Variants in SPTAN1 observed in about 807,000 individuals in gnomAD.
The protein encoded by SPTAN1 is spectrin alpha, non-erythrocytic 1.
SPTAN1 carries 61 observed loss-of-function variants against 331.3 expected under a neutral mutation model. The observed-to-expected ratio is 0.18, with a 90% CI of 0.15 to 0.23. The LOEUF (loss-of-function observed/expected upper bound fraction) is 0.23, where lower values mean the gene tolerates loss of function less well. SPTAN1 is among the 10% of genes least tolerant of loss of function. The pLI is 1.00. For synonymous variants in SPTAN1, 1,153 were observed against 1,173.9 expected, an observed-to-expected ratio of 0.98 and a Z score of 0.36; for missense variants, 2,043 against 3,147.9, an observed-to-expected ratio of 0.65 and a Z score of 8.40.
rs1589189237 is a variant in SPTAN1 at position 128,577,382 on chromosome 9, C to T, written c.961C>T (p.Leu321=). ...VKALCAEADR[L]QQSHPLSATQ... ...AGCCCTGTGTGCTGAGGCTGACCGC[C>T]TGCAACAGTCCCACCCTCTGAGTGC... Residue 321 remains leucine, a synonymous_variant, in exon 8 of 57, where the codon CTG becomes TTG. Coordinates refer to ENST00000372739, the MANE Select transcript of SPTAN1 (RefSeq NM_001130438.3). The surrounding 1 kb of genome is among the most constrained non-coding windows in gnomAD (Gnocchi z 4.2). 6.2e-7 allele frequency: 1 copy of T among 1,614,244 alleles called. No homozygotes were observed.
intron 18 of SPTAN1, 129 bp from the exon 19 acceptor site, chr9:128,585,619 T>C: frequency 1.2e-6 from 1 of 810,182 alleles, no homozygotes; most frequent in Non-Finnish European, 2.1e-6. Flanking sequence ...AAAATGGAAT[T>C]ATGAAAGGGC....
At chr9:128,594,473 C>G (rs1449174612) in intron 24 of SPTAN1, 100 bp downstream of exon 24, 1 of 1,148,356 alleles carries the variant, frequency 8.7e-7, no homozygotes, top group Non-Finnish European at 1.2e-6. Context: ...CACTGTCATC[C>G]AAGCTGGAGT....
At chr9:128,619,319 G>A (rs969428692) in intron 44 of SPTAN1, among the ~76,000 whole-genome samples, 29 of 152,294 alleles carry the variant, frequency 1.9e-4, no homozygotes, top group African/African-American at 6.7e-4. Context: ...GGAGTGGCAC[G>A]AACGGAGTAC....
intron 1 of SPTAN1, among the ~76,000 whole-genome samples, chr9:128,565,657 T>C (rs1849943203): frequency 6.6e-6 from 1 of 152,246 alleles, no homozygotes; most frequent in Non-Finnish European, 1.5e-5. Flanking sequence ...GGCAGCACTC[T>C]TGACAGGTTT....
rs778372200 is a variant in SPTAN1, at chr9:128,587,654, G to A, written c.2827G>A (p.Gly943Ser). 2.5e-6 allele frequency: 4 copies of A among 1,613,880 alleles called. No homozygotes were observed. The highest frequency in any genetic ancestry group is 1.7e-5 in the Admixed American group (1 of 59,980). ...TTTGATGTCAGATCTCAGTGCCTAC[G>A]GCAGCAGCATCCAGGCTTTGCGAGA... is the stretch of plus-strand genomic sequence containing the variant. ...EALMSDLSAY[G>S]SSIQALREQA... The change falls in exon 20 of 57, where the codon GGC becomes AGC. Residue 943 changes from glycine (G) to serine (S), a missense_variant. Around this residue, in one of 12 missense-constraint regions of SPTAN1, gnomAD observed 1,038 missense variants for 1,531.5 expected, o/e 0.68. Coordinates refer to ENST00000372739, the MANE Select transcript of SPTAN1 (RefSeq NM_001130438.3).
chr9:128,568,894 A>G lies in SPTAN1; in HGVS notation c.360A>G (p.Ile120Met), dbSNP rs769659893. 5 of 1,614,028 alleles carry G rather than the reference A, an allele frequency of 3.1e-6. No individual in the cohort carries two copies. The highest frequency in any genetic ancestry group is 1.1e-5 in the South Asian group (1 of 91,078). The change falls in exon 3 of 57, where the codon ATA becomes ATG. Residue 120 changes from isoleucine (I) to methionine (M), a missense_variant. By Grantham distance (10) the Ile-to-Met change is conservative. Coordinates refer to ENST00000372739, the MANE Select transcript of SPTAN1 (RefSeq NM_001130438.3). ...AAGGGCATTTTGCATCTGAAACCATACGGGTGAGTATGAGTAGCTCGTGGA... is the reference window on the plus strand; with the variant it reads ...AAGGGCATTTTGCATCTGAAACCATGCGGGTGAGTATGAGTAGCTCGTGGA... ...ISEGHFASET[I>M]RTRLMELHRQ...
intron 25 of SPTAN1, 176 bp downstream of exon 25, chr9:128,598,680 C>A (rs1315446291): frequency 5.7e-6 from 4 of 699,380 alleles, no homozygotes; most frequent in Non-Finnish European, 7.7e-6. Context: ...TACCCATATC[C>A]CTCACTTTCA....
intron 26 of SPTAN1, chr9:128,599,218 T>C: frequency 1.9e-6 from 1 of 536,014 alleles, no homozygotes; most frequent in Non-Finnish European, 3.4e-6. Context: ...CACTGCAACC[T>C]CCACCTCCCA....
chr9:128,588,647 A>G (rs868756718), intron 20 of SPTAN1, among the ~76,000 whole-genome samples, 162 bp from the exon 21 acceptor site: 9 of 152,092 alleles, frequency 5.9e-5, no homozygotes, highest in Non-Finnish European at 1.3e-4. Context: ...CCAAAAATTT[A>G]AAGTTCTTGG....
At chr9:128,572,358 G>T (rs757550644) in intron 3 of SPTAN1, among the ~76,000 whole-genome samples, 3 of 152,096 alleles carry the variant, frequency 2.0e-5, no homozygotes, top group Admixed American at 2.0e-4. Flanking sequence ...GCCCACTCAC[G>T]CTCTCAAATA....
At chr9:128,613,819 C>T (rs745402857) in intron 40 of SPTAN1, among the ~76,000 whole-genome samples, 4 of 151,918 alleles carry the variant, frequency 2.6e-5, no homozygotes, top group Non-Finnish European at 5.9e-5. Flanking sequence ...CTCCGGCCAA[C>T]GTGGTGAGAC....
intron 21 of SPTAN1, among the ~76,000 whole-genome samples, 184 bp downstream of exon 21, chr9:128,589,127 ATCTG>A (rs1211380350): frequency 1.3e-5 from 2 of 152,228 alleles, no homozygotes; most frequent in Admixed American, 1.3e-4. Flanking sequence ...CAAGAAGTTA[ATCTG>A]TCTTCTTGAA....
At chr9:128,617,502 TTTG>T in intron 41 of SPTAN1, 135 bp from the exon 42 acceptor site, 1 of 1,284,248 alleles carries the variant, frequency 7.8e-7, no homozygotes. Context: ...AGTAGAGGCT[TTTG>T]TTGTTCAGAA....
At position 128,625,702 on chromosome 9, in the gene SPTAN1, G is replaced by C; in HGVS notation, c.6070-67G>C. The C allele has an allele frequency of 1.3e-6, 2 of 1,504,122 alleles. No individual in the cohort carries two copies. The highest frequency in any genetic ancestry group is 1.8e-6 in the Non-Finnish European group (2 of 1,086,770). The allele number at this position is 1,504,122 out of a possible 1,614,324, so 93.2% of individuals were successfully genotyped here. ...TCTGGGGGACATGCTGGTGCCATCT[G>C]AGCCTAGGAAGAGCAAGTTCCAGTC... On this transcript the variant is annotated intron_variant, in intron 47 of 56. Transcript: ENST00000372739. This position sits in a 1 kb window ranked among gnomAD's most constrained non-coding sequence, Gnocchi z 4.1.
chr9:128,591,844 GT>G (rs768430374), intron 22 of SPTAN1, among the ~76,000 whole-genome samples: 80 of 152,126 alleles, frequency 5.3e-4, no homozygotes, highest in Non-Finnish European at 6.9e-4. Flanking sequence ...GTGTTCATGA[GT>G]TTTTCCTAAC....
rs751473819 is a variant in SPTAN1, at chr9:128,566,849, C to T, written c.109C>T (p.Arg37Cys). Reference protein sequence around the residue: ...HRFKELSTLRRQKLEDSYRFQ... With the variant: ...HRFKELSTLRCQKLEDSYRFQ... ...CTTCAAGGAACTCTCAACCCTTAGG[C>T]GTCAGAAGCTGGAAGATTCCTATCG... is the stretch of plus-strand genomic sequence containing the variant. Residue 37 changes from arginine (R) to cysteine (C), a missense_variant, in exon 2 of 57, where the codon CGT becomes TGT. Around this residue, in one of 12 missense-constraint regions of SPTAN1, gnomAD observed 1,038 missense variants for 1,531.5 expected, o/e 0.68. Transcript: ENST00000372739. 1.9e-6 allele frequency: 3 copies of T among 1,614,196 alleles called. No individual in the cohort carries two copies. The highest frequency in any genetic ancestry group is 1.7e-5 in the Admixed American group (1 of 60,028).
chr9:128,619,010 CAG>C lies in SPTAN1; in HGVS notation c.5733+9_5733+10del. 1 of 1,613,606 alleles carries C rather than the reference CAG, an allele frequency of 6.2e-7. No individual in the cohort carries two copies. Among genetic ancestry groups the C allele is most frequent in the Non-Finnish European group, 8.5e-7 (1 of 1,179,866 alleles). ...CACTCTTGCCGCCATCCAGGTGAGA[CAG>C]AAACCAAAGGTGTCACCTGCTTTCT... On this transcript the variant is annotated splice_region_variant and intron_variant, in intron 44 of 56. Coordinates refer to ENST00000372739, the MANE Select transcript of SPTAN1 (RefSeq NM_001130438.3).
At position 128,604,270 on chromosome 9, in the gene SPTAN1, C is replaced by G; in HGVS notation, c.3628-56C>G. The G allele has an allele frequency of 1.9e-6, 3 of 1,562,208 alleles. No individual in the cohort carries two copies. The South Asian group carries it at 3.4e-5, about 18-fold the overall frequency. On this transcript the variant is annotated intron_variant, in intron 28 of 56. Coordinates refer to ENST00000372739, the MANE Select transcript of SPTAN1 (RefSeq NM_001130438.3). ...ACAAAGTCATTTTCCCAAAGTCTGA[C>G]TGGGGGCATGACAGGAGAGGGAGTG...
Position 128,627,721 on chromosome 9 carries a change from A to G in SPTAN1, c.6690-204A>G. 1.2e-6 allele frequency: 1 copy of G among 800,238 alleles called. No individual in the cohort carries two copies. Among genetic ancestry groups the G allele is most frequent in the South Asian group, 1.5e-5 (1 of 67,704 alleles). The allele number at this position is 800,238 out of a possible 1,614,324, so 49.6% of individuals were successfully genotyped here. ...TGTCCCAGACATCAAGTTGTTAGAG[A>G]TCCCGGATTGAGTGGGACCATGCAG... On this transcript the variant is annotated intron_variant, in intron 50 of 56. Coordinates refer to ENST00000372739, the MANE Select transcript of SPTAN1 (RefSeq NM_001130438.3). The surrounding 1 kb of genome is among the most constrained non-coding windows in gnomAD (Gnocchi z 4.9).
Sources: gnomAD v4.1 joint callset for allele counts (sites outside exome capture counted in the v4.1 genomes callset) on GRCh38, gnomAD v4.1.1 for gene constraint, gnomAD v4.1.1 regional missense constraint, Gnocchi (gnomAD v3.1) non-coding constraint, MANE v1.5 for transcripts, NCBI Gene and HGNC (gene_info 2026-07-23, HGNC 2026-07-21) for gene names.